GIPC1: variants seen among roughly 807,000 people sequenced by gnomAD.
The protein encoded by GIPC1 is GIPC PDZ domain containing family member 1.
GIPC1 carries 15 observed loss-of-function variants against 28.5 expected under a neutral mutation model. That is an observed-to-expected ratio of 0.53 (90% CI 0.35 to 0.81). The LOEUF (loss-of-function observed/expected upper bound fraction) is 0.81, where lower values mean the gene tolerates loss of function less well. Among genes scored for constraint, GIPC1 ranks in the 30% least tolerant of loss-of-function variants. The pLI, the probability that GIPC1 is intolerant of heterozygous loss-of-function variation, is 0.01. For synonymous variants in GIPC1, 224 were observed against 206.1 expected (o/e 1.09, Z -0.74); for missense variants, 439 against 481.9 (o/e 0.91, Z 0.83).
intron 4 of GIPC1, 30 bp from the exon 5 acceptor site, chr19:14,480,808 T>TC: frequency 6.8e-7 from 1 of 1,462,572 alleles, no homozygotes; most frequent in South Asian, 1.2e-5. Flanking sequence ...TGAAACCTCT[T>TC]CCCCCTCCCT....
intron 6 of GIPC1, 51 bp downstream of exon 6, chr19:14,480,254 T>C: frequency 2.0e-6 from 3 of 1,513,634 alleles, no homozygotes; most frequent in Non-Finnish European, 2.7e-6. Context: ...CACCACCGCC[T>C]GCGCCCATGC....
In GIPC1 at chr19:14,478,515, G is replaced by A. The variant is rs377053688; in HGVS notation, c.903C>T (p.Ala301=). The part of the protein sequence containing the change: ...GKDKRNPDEL[A]EALDERLGDF... ...CACCCAGCCGTTCGTCCAGGGCCTC[G>A]GCCAGCTCATCCGGGTTCCTTTTGT... The change falls in exon 9 of 9, where the codon GCC becomes GCT. Residue 301 remains alanine (A), a synonymous_variant. Coordinates refer to ENST00000393033, the MANE Select transcript of GIPC1 (RefSeq NM_005716.4). This position sits in a 1 kb window ranked among gnomAD's most constrained non-coding sequence, Gnocchi z 5.2. 1.0e-4 allele frequency: 162 copies of A among 1,613,898 alleles called. No homozygotes were observed. The highest frequency in any genetic ancestry group is 1.5e-4 in the Admixed American group (9 of 60,002).
intron 7 of GIPC1, 22 bp downstream of exon 7, chr19:14,479,390 A>T: frequency 1.0e-6 from 1 of 981,440 alleles, no homozygotes; most frequent in South Asian, 2.1e-5. Flanking sequence ...TGCCGGAGAT[A>T]GGGTCCGGCT....
Position 14,491,422 on chromosome 19 carries a change from C to T in GIPC1, c.-31+234G>A, listed in dbSNP as rs575117416. ...TACAGGTGCGTGCCACCACACCTGG[C>T]TAATTTTTGTATTTTTAGTAGAGAT... On this transcript the variant is annotated intron_variant, in intron 3 of 8. Transcript: ENST00000393033. Among the ~76,000 whole-genome samples, 45 of 152,116 alleles carry T rather than the reference C, an allele frequency of 3.0e-4. 1 individual carries two copies. The South Asian group carries it at 9.2e-3, about 31-fold the overall frequency.
intron 3 of GIPC1, among the ~76,000 whole-genome samples, chr19:14,488,528 C>T (rs1276536545): frequency 5.9e-5 from 9 of 151,852 alleles, no homozygotes; most frequent in African/African-American, 2.2e-4. Context: ...CCAAGGCAGG[C>T]GGATCATGAG....
chr19:14,480,363 C>G lies in GIPC1; in HGVS notation c.597G>C (p.Lys199Asn). The G allele has an allele frequency of 6.2e-7, 1 of 1,612,514 alleles. No homozygotes were observed. Among genetic ancestry groups the G allele is most frequent in the Non-Finnish European group, 8.5e-7 (1 of 1,179,882 alleles). Reference sequence around the variant, plus strand: ...TGAAGGTACGGCCTCGGGGCAGCTCCTTGAGCAGCCGGGCCACCTCGTAGT... The same window carrying G: ...TGAAGGTACGGCCTCGGGGCAGCTCGTTGAGCAGCCGGGCCACCTCGTAGT... Reference protein sequence around the residue: ...CRHYEVARLLKELPRGRTFTL... With the variant: ...CRHYEVARLLNELPRGRTFTL... The change falls in exon 6 of 9, where the codon AAG (lysine) becomes AAC (asparagine). Residue 199 changes from lysine to asparagine, a missense_variant. Lys to Asn is a moderately conservative substitution (Grantham distance 94, BLOSUM62 0). Coordinates refer to ENST00000393033, the MANE Select transcript of GIPC1 (RefSeq NM_005716.4).
chr19:14,495,000 C>A (rs767681316), intron 1 of GIPC1, among the ~76,000 whole-genome samples: 26 of 152,160 alleles, frequency 1.7e-4, no homozygotes, highest in Admixed American at 1.3e-4. Context: ...CACGCCCAGG[C>A]TCCCCGTTCC....
chr19:14,480,090 A>G, intron 6 of GIPC1: 1 of 596,380 alleles, frequency 1.7e-6, no homozygotes, highest in Non-Finnish European at 3.0e-6. Context: ...GCTAGGTGTG[A>G]GGGCAACTTC....
intron 1 of GIPC1, among the ~76,000 whole-genome samples, chr19:14,493,419 A>G (rs2072011005): frequency 6.6e-6 from 1 of 150,756 alleles, no homozygotes; most frequent in Admixed American, 6.6e-5. Context: ...GTGATTCCAA[A>G]CTTGGTCCAG....
chr19:14,482,765 C>T lies in GIPC1; in HGVS notation c.212G>A (p.Gly71Asp). 1 of 1,610,964 alleles carries T rather than the reference C, an allele frequency of 6.2e-7. No homozygotes were observed. The highest frequency in any genetic ancestry group is 8.5e-7 in the Non-Finnish European group (1 of 1,179,614). ...GACGTTGGTGAAGCCCTCGATGCGG[C>T]CAGTGGGACTGCCATGGGCCAGCTG... ...HTQLAHGSPT[G>D]RIEGFTNVKE... The change falls in exon 4 of 9, where the codon GGC (glycine) becomes GAC (aspartate). Residue 71 changes from glycine to aspartate, a missense_variant. Transcript: ENST00000393033.
intron 4 of GIPC1, chr19:14,481,842 C>T (rs2071736634): frequency 6.6e-6 from 1 of 152,038 alleles, no homozygotes; most frequent in Non-Finnish European, 1.5e-5. Context: ...TTAGGGAGAC[C>T]CCTGCGTCTA....
intron 2 of GIPC1, among the ~76,000 whole-genome samples, chr19:14,492,497 G>A (rs2146494496): frequency 6.6e-6 from 1 of 152,132 alleles, no homozygotes; most frequent in South Asian, 2.1e-4. Context: ...TAGTAGAGAC[G>A]CTGTTTCATC....
intron 3 of GIPC1, among the ~76,000 whole-genome samples, chr19:14,484,564 T>C (rs2146473412): frequency 6.7e-6 from 1 of 150,254 alleles, no homozygotes; most frequent in East Asian, 2.0e-4. Flanking sequence ...GCCAACATAG[T>C]GAAACCCTGT....
intron 4 of GIPC1, 137 bp from the exon 5 acceptor site, chr19:14,480,915 C>T: frequency 1.5e-6 from 1 of 647,142 alleles, no homozygotes; most frequent in Non-Finnish European, 2.7e-6. Context: ...TGAGCCTGAG[C>T]CAGGGCCACA....
chr19:14,489,903 AAAAG>A (rs1460573464), intron 3 of GIPC1, among the ~76,000 whole-genome samples: 1 of 151,984 alleles, frequency 6.6e-6, no homozygotes, highest in Non-Finnish European at 1.5e-5. Context: ...AAAAAAAAAA[AAAAG>A]AAACTCATGC....
At chr19:14,483,642 A>G (rs931214774) in intron 3 of GIPC1, 4 of 151,408 alleles carry the variant, frequency 2.6e-5, no homozygotes, top group African/African-American at 9.7e-5. Context: ...TCAGTGATTC[A>G]AGAGGGTGAG....
At chr19:14,492,447 CAG>C (rs1318102813) in intron 2 of GIPC1, among the ~76,000 whole-genome samples, 1 of 152,100 alleles carries the variant, frequency 6.6e-6, no homozygotes, top group Non-Finnish European at 1.5e-5. Context: ...GCTGGGACTA[CAG>C]GTGCCCGCCA....
chr19:14,482,240 C>G (rs2071744282), intron 4 of GIPC1: 1 of 206,730 alleles, frequency 4.8e-6, no homozygotes, highest in Non-Finnish European at 1.0e-5. Flanking sequence ...GCAGGCCTCT[C>G]AATCCATCCA....
At chr19:14,490,413 C>G (rs1298194800) in intron 3 of GIPC1, among the ~76,000 whole-genome samples, 1 of 151,598 alleles carries the variant, frequency 6.6e-6, no homozygotes, top group African/African-American at 2.4e-5. Context: ...AACGGTGGTT[C>G]ACGCCTGTAA....
Sources: allele counts gnomAD v4.1 joint callset (sites outside exome capture counted in the v4.1 genomes callset), GRCh38; gene constraint gnomAD v4.1.1; non-coding constraint Gnocchi (gnomAD v3.1); transcripts MANE v1.5; gene names NCBI Gene and HGNC (gene_info 2026-07-23, HGNC 2026-07-21).